RGS8: variants seen among roughly 807,000 people sequenced by gnomAD.
The protein encoded by RGS8 is regulator of G-protein signaling 8.
A neutral mutation model predicts 21.7 loss-of-function variants in RGS8; 8 were observed. The ratio of observed to expected loss-of-function variants is 0.37; its 90% CI spans 0.22 to 0.66. The LOEUF (loss-of-function observed/expected upper bound fraction) is 0.66. Among genes scored for constraint, RGS8 ranks in the 30% least tolerant of loss-of-function variants. The pLI is 0.59. For synonymous variants in RGS8, 80 were observed against 83.6 expected (o/e 0.96, Z 0.24); for missense variants, 157 against 217.9 (o/e 0.72, Z 1.76).
intron 1 of RGS8, among the ~76,000 whole-genome samples, chr1:182,680,512 C>T (rs1265311695): frequency 1.3e-5 from 2 of 152,188 alleles, no homozygotes; most frequent in African/African-American, 2.4e-5. Context: ...GCCCTCTGTG[C>T]TCCTATGGCT....
the RGS8 span, among the ~76,000 whole-genome samples, chr1:182,735,859 T>G: frequency 6.6e-6 from 1 of 152,170 alleles, no homozygotes; most frequent in Non-Finnish European, 1.5e-5. Flanking sequence ...GCAATAACCT[T>G]ACTAACCTGG....
chr1:182,647,488 T>C (rs755279288), intron 6 of RGS8, among the ~76,000 whole-genome samples: 1 of 152,222 alleles, frequency 6.6e-6, no homozygotes. Context: ...TGCAATGCAC[T>C]TAAACTTGTA....
the RGS8 span, among the ~76,000 whole-genome samples, chr1:182,729,214 G>C: frequency 6.6e-6 from 1 of 152,210 alleles, no homozygotes; most frequent in Non-Finnish European, 1.5e-5. Flanking sequence ...TGGTAAAAAT[G>C]CTGGCTTGTG....
chr1:182,672,086 C>T, upstream of RGS8: 1 of 291,474 alleles, frequency 3.4e-6, no homozygotes, highest in Non-Finnish European at 6.3e-6. Flanking sequence ...CAGCCCACAG[C>T]TGCCTCCCTC....
At chr1:182,700,307 C>A in the RGS8 span, among the ~76,000 whole-genome samples, 1 of 152,196 alleles carries the variant, frequency 6.6e-6, no homozygotes, top group African/African-American at 2.4e-5. Context: ...TGGATGGAAG[C>A]AGGTGTAACC....
In RGS8 at chr1:182,684,155, AT is replaced by A. The variant is rs1664632020; in HGVS notation, n.221+200del. Among the ~76,000 whole-genome samples the A allele has an allele frequency of 1.3e-5, 2 of 152,222 alleles. No individual in the cohort carries two copies. The highest frequency in any genetic ancestry group is 1.5e-5 in the Non-Finnish European group (1 of 68,028). On this transcript the variant is annotated intron_variant and non_coding_transcript_variant, in intron 1 of 4. Transcript: ENST00000515211. The surrounding 1 kb of genome is among the most constrained non-coding windows in gnomAD (Gnocchi z 4.2). ...CCTGCTAACTGGGAAGAACAGGCAT[AT>A]TTCTACACCCTTGCTCCTGGCGGAG...
intron 3 of RGS8, 109 bp downstream of exon 4, chr1:182,669,515 C>CA: frequency 6.6e-7 from 1 of 1,504,708 alleles, no homozygotes; most frequent in South Asian, 1.2e-5. Flanking sequence ...GAAAGTAGAC[C>CA]ACGCATGGGC....
chr1:182,697,396 T>C, the RGS8 span, among the ~76,000 whole-genome samples: 1 of 152,262 alleles, frequency 6.6e-6, no homozygotes, highest in Admixed American at 6.5e-5. Flanking sequence ...GGGCACCCTC[T>C]GAAGACAGCC....
chr1:182,657,482 G>C (rs954722804), intron 5 of RGS8, among the ~76,000 whole-genome samples: 3 of 152,064 alleles, frequency 2.0e-5, no homozygotes, highest in African/African-American at 7.2e-5. Context: ...TGTTTCCTCT[G>C]CCGGGGCCCC....
At chr1:182,735,971 C>A in the RGS8 span, among the ~76,000 whole-genome samples, 1 of 152,228 alleles carries the variant, frequency 6.6e-6, no homozygotes, top group Non-Finnish European at 1.5e-5. Flanking sequence ...TCTCAAACTT[C>A]AACCATTTGA....
chr1:182,735,768 G>C, the RGS8 span, among the ~76,000 whole-genome samples: 1 of 152,186 alleles, frequency 6.6e-6, no homozygotes, highest in Non-Finnish European at 1.5e-5. Context: ...AGATGTATCT[G>C]AAGGCATGGC....
At chr1:182,702,357 T>C in the RGS8 span, among the ~76,000 whole-genome samples, 2 of 151,994 alleles carry the variant, frequency 1.3e-5, no homozygotes, top group East Asian at 1.9e-4. Context: ...GAAATAAAGA[T>C]GGCAACAATC....
chr1:182,665,637 G>T (rs1031001188), intron 5 of RGS8, among the ~76,000 whole-genome samples: 1 of 152,280 alleles, frequency 6.6e-6, no homozygotes, highest in South Asian at 2.1e-4. Context: ...AACAAGATCT[G>T]GCTGGAACCT....
At chr1:182,663,369 G>A in intron 5 of RGS8, among the ~76,000 whole-genome samples, 1 of 152,124 alleles carries the variant, frequency 6.6e-6, no homozygotes, top group East Asian at 1.9e-4. Context: ...CCTGAATAAA[G>A]ACCCTTTCTT....
In RGS8 at chr1:182,681,113, G is replaced by T. The variant is rs142720508; in HGVS notation, n.221+3243C>A. On this transcript the variant is annotated intron_variant and non_coding_transcript_variant, in intron 1 of 4. Coordinates refer to the RGS8 transcript ENST00000515211. ...TTATGAAAACATTGAGTCACAGGGA[G>T]AACATCAGAGTCCGAGAAGGCAGAA... Among the ~76,000 whole-genome samples the T allele has an allele frequency of 6.8e-3, 1,036 of 152,350 alleles. 6 individuals carry two copies. The highest frequency in any genetic ancestry group is 7.9e-3 in the South Asian group (38 of 4,830).
At chr1:182,690,276 C>G in the RGS8 span, among the ~76,000 whole-genome samples, 3 of 152,220 alleles carry the variant, frequency 2.0e-5, no homozygotes, top group East Asian at 1.9e-4. Context: ...CTGTACTTCT[C>G]TGGTACAACA....
At chr1:182,698,010 C>A in the RGS8 span, among the ~76,000 whole-genome samples, 1 of 152,168 alleles carries the variant, frequency 6.6e-6, no homozygotes, top group East Asian at 1.9e-4. Context: ...GGAATACTAG[C>A]AATACCAGGC....
chr1:182,727,466 T>C, the RGS8 span, among the ~76,000 whole-genome samples: 2 of 152,208 alleles, frequency 1.3e-5, no homozygotes, highest in African/African-American at 4.8e-5. Context: ...TCGTGACATT[T>C]CAAGGGAGTA....
At chr1:182,702,554 T>A in the RGS8 span, among the ~76,000 whole-genome samples, 2 of 152,156 alleles carry the variant, frequency 1.3e-5, no homozygotes. Flanking sequence ...ATAACTTTTT[T>A]AAAAAGACTT....
Sources: gnomAD v4.1 joint callset for allele counts (sites outside exome capture counted in the v4.1 genomes callset) on GRCh38, gnomAD v4.1.1 for gene constraint, Gnocchi (gnomAD v3.1) non-coding constraint, MANE v1.5 for transcripts, NCBI Gene and HGNC (gene_info 2026-07-23, HGNC 2026-07-21) for gene names.